PCDHGB3: variants seen among roughly 807,000 people sequenced by gnomAD.
PCDHGB3 encodes the protein protocadherin gamma-B3.
In PCDHGB3, 40 loss-of-function variants were observed where a neutral mutation model predicts 59.2. The observed-to-expected ratio is 0.68, with a 90% CI of 0.52 to 0.88. The LOEUF (loss-of-function observed/expected upper bound fraction) is 0.88, where lower values mean the gene tolerates loss of function less well. Among genes scored for constraint, PCDHGB3 ranks in the 40% least tolerant of loss-of-function variants. The pLI, the probability that PCDHGB3 is intolerant of heterozygous loss-of-function variation, is 0.00. For missense variants in PCDHGB3, 1,309 were observed against 1,187.9 expected, an observed-to-expected ratio of 1.10 and a Z score of -1.50; for synonymous variants, 581 against 503.6, an observed-to-expected ratio of 1.15 and a Z score of -2.06.
In PCDHGB3 at chr5:141,431,463, C is replaced by T. The variant is rs139195027; in HGVS notation, c.2415+58654C>T. Reference sequence around the variant, plus strand: ...CGCATCCGCGTGATGGTTCTGGATGCGAACGACAACGCACCAGCGTTTGCT... The same window carrying T: ...CGCATCCGCGTGATGGTTCTGGATGTGAACGACAACGCACCAGCGTTTGCT... On this transcript the variant is annotated intron_variant, in intron 1 of 3. Transcript: ENST00000576222. The surrounding 1 kb of genome is among the most constrained non-coding windows in gnomAD (Gnocchi z 4.8). The T allele has an allele frequency of 3.5e-3, 5,640 of 1,613,740 alleles. 51 individuals are homozygous for T. Among genetic ancestry groups the T allele is most frequent in the South Asian group, 0.02 (1,825 of 91,088 alleles).
In PCDHGB3 at chr5:141,505,090, A is replaced by C. The variant is rs1018571873; in HGVS notation, c.2475-303A>C. Among the ~76,000 whole-genome samples the C allele has an allele frequency of 3.9e-5, 6 of 152,188 alleles. 1 individual carries two copies. The South Asian group carries it at 1.2e-3, about 31-fold the overall frequency. ...GGCAGGAGAATCGCTTGAACCCAGG[A>C]GGTGGATGTTGCAATGAGCCAAGAT... On this transcript the variant is annotated intron_variant, in intron 2 of 3. Transcript: ENST00000576222.
intron 2 of PCDHGB3, among the ~76,000 whole-genome samples, chr5:141,500,705 T>A (rs1169100560): frequency 6.6e-6 from 1 of 152,220 alleles, no homozygotes; most frequent in Non-Finnish European, 1.5e-5. Context: ...TTGCAGTGTA[T>A]CATGAGAATT....
At chr5:141,455,583 A>G (rs1485134189) in intron 1 of PCDHGB3, among the ~76,000 whole-genome samples, 4 of 152,144 alleles carry the variant, frequency 2.6e-5, no homozygotes, top group Non-Finnish European at 2.9e-5. Context: ...CCAGCCTTTT[A>G]ATATGCAAAC....
chr5:141,419,216 G>C, intron 1 of PCDHGB3: 3 of 1,613,886 alleles, frequency 1.9e-6, no homozygotes, highest in Admixed American at 1.7e-5. Flanking sequence ...GCCGGTTTTC[G>C]GACAGTCAGC....
rs994009107 is a variant in PCDHGB3 at position 141,490,364 on chromosome 5, G to A, written c.2416-4443G>A. ...ACAGTAGTGGGGTTGTTTAATGTGC[G>A]AGACCGGGACTCAGGTAGAAATGGT... On this transcript the variant is annotated intron_variant, in intron 1 of 3. Transcript: ENST00000576222. The surrounding 1 kb of genome is among the most constrained non-coding windows in gnomAD (Gnocchi z 5.4). 7 of 1,614,056 alleles carry A rather than the reference G, an allele frequency of 4.3e-6. No individual in the cohort carries two copies. In the African/African-American group the frequency reaches 5.3e-5, roughly 12 times the overall value.
chr5:141,429,960 A>C (rs981722031), intron 1 of PCDHGB3, among the ~76,000 whole-genome samples: 2 of 152,244 alleles, frequency 1.3e-5, no homozygotes, highest in African/African-American at 4.8e-5. Flanking sequence ...AGTCAATGCA[A>C]GTTGGAATGC....
intron 1 of PCDHGB3, chr5:141,403,467 T>G: frequency 6.2e-7 from 1 of 1,614,020 alleles, no homozygotes; most frequent in Non-Finnish European, 8.5e-7. Context: ...AGCTACCAGC[T>G]CAGCCCCAAT....
At position 141,511,575 on chromosome 5, in the gene PCDHGB3, T is replaced by C. The variant is rs930675653; in HGVS notation, c.*402T>C. On this transcript the variant is annotated 3_prime_UTR_variant, in exon 4 of 4. Transcript: ENST00000576222. ...AGTTCCTCTTTCCCGAGTAAGGTGG[T>C]TGGGGTGTTGAAGTACCAAGTAACC... 28 of 287,258 alleles carry C rather than the reference T, an allele frequency of 9.7e-5. No individual in the cohort carries two copies. Among genetic ancestry groups the C allele is most frequent in the Middle Eastern group, 1.3e-3 (1 of 784 alleles). The allele number at this position is 287,258 out of a possible 1,614,324, so 17.8% of individuals were successfully genotyped here.
At chr5:141,380,678 T>C (rs1387633000) in intron 1 of PCDHGB3, among the ~76,000 whole-genome samples, 3 of 152,250 alleles carry the variant, frequency 2.0e-5, no homozygotes, top group Non-Finnish European at 4.4e-5. Flanking sequence ...AGGGTATGTA[T>C]GCTTTGTGTT....
chr5:141,395,036 G>C, intron 1 of PCDHGB3: 2 of 1,614,110 alleles, frequency 1.2e-6, no homozygotes, highest in South Asian at 1.1e-5. Context: ...CACATTTTGT[G>C]GGTGTTGAGG....
At position 141,476,033 on chromosome 5, in the gene PCDHGB3, C is replaced by T; in HGVS notation, c.2416-18774C>T. On this transcript the variant is annotated intron_variant, in intron 1 of 3. Transcript: ENST00000576222. The surrounding 1 kb of genome is among the most constrained non-coding windows in gnomAD (Gnocchi z 7.6). The stretch of plus-strand genomic sequence containing the variant: ...GCCATGTCGGACTCGGCGCCCAGCG[C>T]CCAAGCGCTAACCCGCTGAAAGTTT... 6.8e-7 allele frequency: 1 copy of T among 1,469,590 alleles called. No individual in the cohort carries two copies. Among genetic ancestry groups the T allele is most frequent in the Non-Finnish European group, 9.0e-7 (1 of 1,105,326 alleles). 91.0% of individuals were successfully genotyped at this position (1,469,590 alleles called of 1,614,324 possible). A position where few individuals can be genotyped will look rare whatever the true frequency, so the allele number is the denominator to read the frequency against.
Position 141,431,412 on chromosome 5 carries a change from GC to G in PCDHGB3, c.2415+58604del. ...CTGGTCCTTACGGCCTCCGACGGGG[GC>G]GACCCGGTGCGCACAGGCACCGCGC... On this transcript the variant is annotated intron_variant, in intron 1 of 3. Coordinates refer to ENST00000576222, the MANE Select transcript of PCDHGB3 (RefSeq NM_018924.5). The surrounding 1 kb of genome is among the most constrained non-coding windows in gnomAD (Gnocchi z 4.8). The G allele has an allele frequency of 6.2e-7, 1 of 1,613,714 alleles. No homozygotes were observed. Among genetic ancestry groups the G allele is most frequent in the Non-Finnish European group, 8.5e-7 (1 of 1,180,050 alleles).
chr5:141,456,554 G>A (rs1003323522), intron 1 of PCDHGB3, among the ~76,000 whole-genome samples: 2 of 152,202 alleles, frequency 1.3e-5, no homozygotes, highest in Non-Finnish European at 2.9e-5. Flanking sequence ...GCCACTCGGG[G>A]CTGAAGCCCA....
chr5:141,383,705 T>C lies in PCDHGB3; in HGVS notation c.2415+10896T>C, dbSNP rs765563941. The C allele has an allele frequency of 5.0e-6, 8 of 1,614,020 alleles. No individual in the cohort carries two copies. In the South Asian group the frequency reaches 8.8e-5, roughly 18 times the overall value. ...CTGCTCACGGTACATGCTATCGACC[T>C]GGACGAGGGAGTCAATGGGGAAGTG... On this transcript the variant is annotated intron_variant, in intron 1 of 3. Transcript: ENST00000576222.
At chr5:141,394,607 G>C (rs769750411) in intron 1 of PCDHGB3, 10 of 1,613,414 alleles carry the variant, frequency 6.2e-6, no homozygotes, top group South Asian at 2.2e-5. Context: ...ACAGAGACTC[G>C]GGCCAGAACG....
chr5:141,401,171 G>A (rs1222326375), intron 1 of PCDHGB3, among the ~76,000 whole-genome samples: 1 of 152,054 alleles, frequency 6.6e-6, no homozygotes, highest in African/African-American at 2.4e-5. Context: ...GTGAAAACCC[G>A]TCTCTACTAA....
intron 3 of PCDHGB3, among the ~76,000 whole-genome samples, chr5:141,509,801 T>C (rs556629445): frequency 2.6e-5 from 4 of 152,140 alleles, no homozygotes; most frequent in South Asian, 2.1e-4. Flanking sequence ...CTCAGCTTCA[T>C]AGAGCCGAGC....
chr5:141,477,819 T>C lies in PCDHGB3; in HGVS notation c.2416-16988T>C. 1.9e-6 allele frequency: 3 copies of C among 1,614,138 alleles called. No individual in the cohort carries two copies. The highest frequency in any genetic ancestry group is 2.5e-6 in the Non-Finnish European group (3 of 1,180,030). On this transcript the variant is annotated intron_variant, in intron 1 of 3. Transcript: ENST00000576222. The surrounding 1 kb of genome is among the most constrained non-coding windows in gnomAD (Gnocchi z 4.9). ...CGCAATGACAATGCCCCCCAGGTCC[T>C]ATATCCTCGGCCAGGTGGGAGCTCG...
chr5:141,486,263 G>GAACCTGGC lies in PCDHGB3; in HGVS notation c.2416-8542_2416-8535dup. 6.2e-7 allele frequency: 1 copy of GAACCTGGC among 1,614,090 alleles called. No homozygotes were observed. Among genetic ancestry groups the GAACCTGGC allele is most frequent in the South Asian group, 1.1e-5 (1 of 91,064 alleles). On this transcript the variant is annotated intron_variant, in intron 1 of 3. Coordinates refer to ENST00000576222, the MANE Select transcript of PCDHGB3 (RefSeq NM_018924.5). This position sits in a 1 kb window ranked among gnomAD's most constrained non-coding sequence, Gnocchi z 5.0. ...GCTTGGAACCCTCCCCGAGAGTGCAGAACCTGGCACTGTGGTGGCACTTAT... is the reference window on the plus strand; with the variant it reads ...GCTTGGAACCCTCCCCGAGAGTGCAGAACCTGGCAACCTGGCACTGTGGTGGCACTTAT...
Sources: allele counts gnomAD v4.1 joint callset (sites outside exome capture counted in the v4.1 genomes callset), GRCh38; gene constraint gnomAD v4.1.1; non-coding constraint Gnocchi (gnomAD v3.1); transcripts MANE v1.5; gene names NCBI Gene and HGNC (gene_info 2026-07-23, HGNC 2026-07-21).